Variants in DMXL1 observed in about 807,000 individuals in gnomAD.
DMXL1 encodes Dmx like 1, also known as dmX-like protein 1.
A neutral mutation model predicts 319.2 loss-of-function variants in DMXL1; 99 were observed. That is an observed-to-expected ratio of 0.31 (90% CI 0.26 to 0.37). DMXL1 has a LOEUF of 0.37. DMXL1 is among the 10% of genes least tolerant of loss of function. The pLI is 1.00. For synonymous variants in DMXL1, 1,385 were observed against 1,235.2 expected (o/e 1.12, Z -2.54); for missense variants, 3,745 against 3,595.6 (o/e 1.04, Z -1.06).
At position 119,118,867 on chromosome 5, in the gene DMXL1, C is replaced by CG. The variant is rs780110326; in HGVS notation, c.796_797insG (p.Leu266ArgfsTer10). Reference sequence around the variant, plus strand: ...TTGCTGCAAAGATAATGTGTGTCGTCTTTGGGTAGAGACATTTTTACCAAA... The same window carrying CG: ...TTGCTGCAAAGATAATGTGTGTCGTCGTTTGGGTAGAGACATTTTTACCAAA... On this transcript the variant is annotated frameshift_variant, in exon 8 of 44. Transcript: ENST00000539542. LOFTEE classifies it high-confidence loss of function. 1 of 1,613,904 alleles carries CG rather than the reference C, an allele frequency of 6.2e-7. No homozygotes were observed. Among genetic ancestry groups the CG allele is most frequent in the Non-Finnish European group, 8.5e-7 (1 of 1,179,926 alleles).
rs539628668 is a variant in DMXL1, at chr5:119,071,450, C to G, written c.-120C>G. 1.0e-6 allele frequency: 1 copy of G among 1,003,464 alleles called. No individual in the cohort carries two copies. The highest frequency in any genetic ancestry group is 1.6e-5 in the African/African-American group (1 of 60,718). The allele number at this position is 1,003,464 out of a possible 1,614,324, so 62.2% of individuals were successfully genotyped here. A position where few individuals can be genotyped will look rare whatever the true frequency, so the allele number is the denominator to read the frequency against. On this transcript the variant is annotated 5_prime_UTR_variant, in exon 1 of 44. Transcript: ENST00000539542. Reference sequence around the variant, plus strand: ...CGGCTCCGGCTCCAGGCGCCTGTCGCTGCTTCTGCCGTCGCCACCGAAGAG... The same window carrying G: ...CGGCTCCGGCTCCAGGCGCCTGTCGGTGCTTCTGCCGTCGCCACCGAAGAG...
chr5:119,079,820 A>T (rs1199210136), intron 1 of DMXL1, among the ~76,000 whole-genome samples: 5 of 152,126 alleles, frequency 3.3e-5, no homozygotes, highest in Non-Finnish European at 7.3e-5. Context: ...TGGCTTAGTT[A>T]TACCATACTC....
chr5:119,196,513 T>TTG, intron 31 of DMXL1, 57 bp downstream of exon 31: 3 of 1,124,616 alleles, frequency 2.7e-6, no homozygotes, highest in African/African-American at 1.6e-5. Flanking sequence ...TACTACTCTG[T>TTG]TGTTTTTTTT....
At chr5:119,178,655 G>A (rs1463800941) in intron 28 of DMXL1, 19 of 985,190 alleles carry the variant, frequency 1.9e-5, no homozygotes, top group Non-Finnish European at 2.3e-5. Flanking sequence ...AGCTCTTTCA[G>A]CCATCAGTTC....
chr5:119,200,942 T>A (rs1163547244), intron 32 of DMXL1, among the ~76,000 whole-genome samples: 2 of 152,206 alleles, frequency 1.3e-5, no homozygotes, highest in Non-Finnish European at 2.9e-5. Context: ...TTTGCTAAGT[T>A]GTTTATCAGA....
At chr5:119,128,637 A>T (rs77522875) in intron 9 of DMXL1, among the ~76,000 whole-genome samples, 4 of 151,616 alleles carry the variant, frequency 2.6e-5, no homozygotes, top group African/African-American at 9.7e-5. Context: ...AGATTCATCA[A>T]TTGTAATAAA....
intron 43 of DMXL1, among the ~76,000 whole-genome samples, chr5:119,246,400 G>T (rs1789766862): frequency 6.6e-6 from 1 of 152,046 alleles, no homozygotes; most frequent in African/African-American, 2.4e-5. Flanking sequence ...GTAAGTTTCT[G>T]TAGCATTGTA....
At chr5:119,168,004 G>T in intron 23 of DMXL1, 140 bp downstream of exon 23, 1 of 731,646 alleles carries the variant, frequency 1.4e-6, no homozygotes, top group Non-Finnish European at 2.0e-6. Context: ...TTGGTTGTTT[G>T]GTTTTTTTCT....
chr5:119,184,561 G>A (rs1019635126), intron 28 of DMXL1, among the ~76,000 whole-genome samples: 2 of 152,250 alleles, frequency 1.3e-5, no homozygotes, highest in South Asian at 2.1e-4. Context: ...ATATAGTTTA[G>A]TAGTAAGTCT....
chr5:119,242,346 A>G (rs1027414053), intron 42 of DMXL1, among the ~76,000 whole-genome samples: 23 of 152,264 alleles, frequency 1.5e-4, no homozygotes, highest in African/African-American at 5.5e-4. Context: ...TTGCAATTTG[A>G]AATTTAAAGA....
Position 119,116,257 on chromosome 5 carries a change from G to A in DMXL1, c.664G>A (p.Asp222Asn), listed in dbSNP as rs1760820115. Reference protein sequence around the residue: ...SSEKQSQGEIDFSFVYLAHPR... With the variant: ...SSEKQSQGEINFSFVYLAHPR... Reference sequence around the variant, plus strand: ...AGAAAAACAATCCCAAGGAGAAATTGACTTTTCTTTTGTGTATCTGGCCCA... The same window carrying A: ...AGAAAAACAATCCCAAGGAGAAATTAACTTTTCTTTTGTGTATCTGGCCCA... The change falls in exon 7 of 44, where the codon GAC becomes AAC. Residue 222 changes from aspartate (D) to asparagine (N), a missense_variant. Physicochemically the swap from Asp to Asn is conservative, Grantham distance 23 (BLOSUM62 1). Around this residue, in one of 4 missense-constraint regions of DMXL1, gnomAD observed 2,096 missense variants for 1,985.4 expected, o/e 1.06. Transcript: ENST00000539542. 2 of 1,613,982 alleles carry A rather than the reference G, an allele frequency of 1.2e-6. No individual in the cohort carries two copies. The highest frequency in any genetic ancestry group is 2.7e-5 in the African/African-American group (2 of 75,014).
At chr5:119,074,360 C>T (rs1355085068) in intron 1 of DMXL1, among the ~76,000 whole-genome samples, 1 of 152,240 alleles carries the variant, frequency 6.6e-6, no homozygotes, top group Admixed American at 6.5e-5. Context: ...CTTCCTCTTG[C>T]AGTTCCCCTT....
At chr5:119,147,516 ATT>A (rs1490876327) in intron 17 of DMXL1, 46 bp downstream of exon 17, 14 of 1,317,944 alleles carry the variant, frequency 1.1e-5, no homozygotes, top group Non-Finnish European at 1.5e-5. Flanking sequence ...ACACATGAGT[ATT>A]TACCAGGTAT....
chr5:119,129,360 GAAC>G lies in DMXL1; in HGVS notation c.1256_1258del (p.Gln419del), dbSNP rs1561664426. The G allele has an allele frequency of 6.2e-7, 1 of 1,613,696 alleles. No homozygotes were observed. Among genetic ancestry groups the G allele is most frequent in the East Asian group, 2.2e-5 (1 of 44,790 alleles). On this transcript the variant is annotated inframe_deletion, in exon 10 of 44. Transcript: ENST00000539542. ...TTTACAGCAACTTAGAAAAAGTTTT[GAAC>G]AACCATCTTCTGAGGCCAGTGTAGA...
At position 119,073,163 on chromosome 5, in the gene DMXL1, A is replaced by G. The variant is rs1414923444; in HGVS notation, c.87+1507A>G. ...CTGCAGCCTCGACCTCCCCGGCACAAGCCGTCCTTCCACCTTAGGCTCCTG... is the reference window on the plus strand; with the variant it reads ...CTGCAGCCTCGACCTCCCCGGCACAGGCCGTCCTTCCACCTTAGGCTCCTG... On this transcript the variant is annotated intron_variant, in intron 1 of 43. Coordinates refer to ENST00000539542, the MANE Select transcript of DMXL1 (RefSeq NM_001290321.3). Among the ~76,000 whole-genome samples, 4 of 152,176 alleles carry G rather than the reference A, an allele frequency of 2.6e-5. No individual in the cohort carries two copies. The East Asian group carries it at 7.7e-4, about 29-fold the overall frequency.
chr5:119,202,885 T>TATATATATATATATATATTTA (rs1554139437), intron 32 of DMXL1, among the ~76,000 whole-genome samples: 5 of 130,790 alleles, frequency 3.8e-5, no homozygotes, highest in African/African-American at 1.2e-4. Flanking sequence ...ATATATATTT[T>TATATATATATATATATATTTA]TATATATATA....
In DMXL1 at chr5:119,143,889, AG is replaced by A. The variant is rs1767956762; in HGVS notation, c.2427del (p.Arg809SerfsTer8). 1 of 1,587,444 alleles carries A rather than the reference AG, an allele frequency of 6.3e-7. No homozygotes were observed. Among genetic ancestry groups the A allele is most frequent in the Non-Finnish European group, 8.6e-7 (1 of 1,167,330 alleles). On this transcript the variant is annotated frameshift_variant, in exon 14 of 44. Transcript: ENST00000539542. LOFTEE classifies it high-confidence loss of function. The stretch of plus-strand genomic sequence containing the variant: ...CATCGTCAGTCAACAATCAACAGCC[AG>A]GCCAGGATGCATTATTGCATTAGAT... ...FNIVSQQSTA[R>X]PGCIIALDPI...
At chr5:119,190,036 A>T (rs1229864733) in intron 29 of DMXL1, 150 bp downstream of exon 29, 10 of 623,336 alleles carry the variant, frequency 1.6e-5, no homozygotes, top group Admixed American at 6.6e-5. Context: ...AAAAATATAT[A>T]CCCTAGAATA....
At chr5:119,112,184 A>G (rs997755829) in intron 5 of DMXL1, among the ~76,000 whole-genome samples, 1 of 151,984 alleles carries the variant, frequency 6.6e-6, no homozygotes, top group African/African-American at 2.4e-5. Context: ...GATGGTCTCA[A>G]TCTCCTGACC....
Sources: allele counts gnomAD v4.1 joint callset (sites outside exome capture counted in the v4.1 genomes callset), GRCh38; gene constraint gnomAD v4.1.1; regional missense constraint gnomAD v4.1.1; transcripts MANE v1.5; gene names NCBI Gene and HGNC (gene_info 2026-07-23, HGNC 2026-07-21).